Variants in RANBP2 observed in about 807,000 individuals in gnomAD.
RANBP2 encodes RAN binding protein 2.
RANBP2 carries 57 observed loss-of-function variants against 303.6 expected under a neutral mutation model. That is an observed-to-expected ratio of 0.19 (90% confidence interval 0.15 to 0.23). The LOEUF is 0.23. RANBP2 is among the 10% of genes least tolerant of loss of function. The pLI, the probability that RANBP2 is intolerant of heterozygous loss-of-function variation, is 1.00. For synonymous variants in RANBP2, 1,167 were observed against 1,301.5 expected, an observed-to-expected ratio of 0.90 and a Z score of 2.23; for missense variants, 3,138 against 3,780.8, an observed-to-expected ratio of 0.83 and a Z score of 4.46.
At chr2:109,235,849 GATA>G in the RANBP2 span, among the ~76,000 whole-genome samples, 1 of 152,218 alleles carries the variant, frequency 6.6e-6, no homozygotes, top group Non-Finnish European at 1.5e-5. Context: ...ATGCTTGACT[GATA>G]AAACCTCTTA....
At chr2:109,346,049 C>T in the RANBP2 span, among the ~76,000 whole-genome samples, 1 of 152,240 alleles carries the variant, frequency 6.6e-6, no homozygotes, top group African/African-American at 2.4e-5. Context: ...ACTGCCCCTT[C>T]CCATTTTTTC....
chr2:109,459,146 A>G, the RANBP2 span, among the ~76,000 whole-genome samples: 1 of 152,116 alleles, frequency 6.6e-6, no homozygotes, highest in Non-Finnish European at 1.5e-5. Context: ...AAATACTATC[A>G]TATAATAATC....
the RANBP2 span, among the ~76,000 whole-genome samples, chr2:109,409,526 G>A: frequency 6.6e-6 from 1 of 152,286 alleles, no homozygotes; most frequent in East Asian, 1.9e-4. Context: ...TCCTACGGGG[G>A]CAGGTGGCTT....
the RANBP2 span, chr2:108,812,904 G>A: frequency 6.2e-7 from 1 of 1,613,256 alleles, no homozygotes; most frequent in Non-Finnish European, 8.5e-7. Flanking sequence ...ACAAGAAAAA[G>A]CACCAGTTTC....
At chr2:109,495,648 T>C in the RANBP2 span, among the ~76,000 whole-genome samples, 1 of 152,012 alleles carries the variant, frequency 6.6e-6, no homozygotes, top group Non-Finnish European at 1.5e-5. Flanking sequence ...TCCACTGACA[T>C]GCCTGGCTGA....
the RANBP2 span, among the ~76,000 whole-genome samples, chr2:109,091,104 G>A: frequency 1.1e-3 from 167 of 152,214 alleles, no homozygotes; most frequent in African/African-American, 3.7e-3. Context: ...GGTGGTACAC[G>A]CCTGTAGTCC....
At chr2:109,593,534 T>C in the RANBP2 span, among the ~76,000 whole-genome samples, 1 of 151,478 alleles carries the variant, frequency 6.6e-6, no homozygotes, top group Non-Finnish European at 1.5e-5. Flanking sequence ...GCCTCCTGAG[T>C]AGCTGGGATT....
chr2:109,205,675 C>T, the RANBP2 span, among the ~76,000 whole-genome samples: 2 of 152,280 alleles, frequency 1.3e-5, no homozygotes, highest in South Asian at 2.1e-4. Flanking sequence ...GGGTCTGCAC[C>T]GTATCTGCCC....
intron 2 of RANBP2, among the ~76,000 whole-genome samples, chr2:108,729,576 G>A (rs547435990): frequency 6.6e-6 from 1 of 152,284 alleles, no homozygotes; most frequent in East Asian, 1.9e-4. Flanking sequence ...TAATTGTAAG[G>A]CAGGAGAATA....
At chr2:109,371,537 T>G in the RANBP2 span, 3 of 1,517,988 alleles carry the variant, frequency 2.0e-6, no homozygotes, top group Non-Finnish European at 2.7e-6. Context: ...TCCTTTTTCA[T>G]TGTGTGTGTG....
At chr2:109,102,559 C>T in the RANBP2 span, among the ~76,000 whole-genome samples, 1 of 152,086 alleles carries the variant, frequency 6.6e-6, no homozygotes, top group Non-Finnish European at 1.5e-5. Context: ...TTTAATGAGG[C>T]GAGAATAGCA....
chr2:109,504,427 T>C, the RANBP2 span: 1 of 152,164 alleles, frequency 6.6e-6, no homozygotes, highest in Non-Finnish European at 1.5e-5. Context: ...CCTCATGGGG[T>C]GATGCCAGGC....
chr2:109,096,957 T>G, the RANBP2 span, among the ~76,000 whole-genome samples: 1 of 152,116 alleles, frequency 6.6e-6, no homozygotes, highest in Non-Finnish European at 1.5e-5. Context: ...TGATTCCGTC[T>G]CTAACCAATC....
Position 108,730,858 on chromosome 2 carries a change from C to G in RANBP2, c.225C>G (p.Asn75Lys), listed in dbSNP as rs144278795. 718 of 1,611,624 alleles carry G rather than the reference C, an allele frequency of 4.5e-4. 3 individuals are homozygous for G. The African/African-American group carries it at 7.5e-3, about 17-fold the overall frequency. Residue 75 changes from asparagine (N) to lysine (K), a missense_variant, in exon 3 of 29, where the codon AAC (asparagine) becomes AAG (lysine). Asn to Lys is a moderately conservative substitution (Grantham distance 94). This residue lies in a region of RANBP2 where 306 missense variants were observed against 381.9 expected (regional missense o/e 0.80). Coordinates refer to ENST00000283195, the MANE Select transcript of RANBP2 (RefSeq NM_006267.5). ...GTCTTCTTTATGAATTGGAAGAAAA[C>G]ACAGACAAAGCCGTTGAATGTTACA... ...FLGLLYELEE[N>K]TDKAVECYRR...
chr2:109,618,650 A>G, the RANBP2 span: 1 of 166,948 alleles, frequency 6.0e-6, no homozygotes, highest in African/African-American at 2.4e-5. Context: ...AATGATTGAT[A>G]TAATTTGATA....
chr2:109,142,541 A>G, the RANBP2 span, among the ~76,000 whole-genome samples: 1 of 152,112 alleles, frequency 6.6e-6, no homozygotes, highest in Non-Finnish European at 1.5e-5. Context: ...CCCCAGGGAC[A>G]ACGGGGCACT....
At chr2:109,192,601 T>C in the RANBP2 span, among the ~76,000 whole-genome samples, 4 of 152,170 alleles carry the variant, frequency 2.6e-5, no homozygotes, top group African/African-American at 7.2e-5. Context: ...GAATAGTCTA[T>C]GAGATAAAGA....
the RANBP2 span, among the ~76,000 whole-genome samples, chr2:109,236,162 T>G: frequency 6.6e-6 from 1 of 152,214 alleles, no homozygotes; most frequent in African/African-American, 2.4e-5. Context: ...TTAGAACTCT[T>G]AATCACTGCC....
the RANBP2 span, chr2:109,371,790 C>G: frequency 1.1e-6 from 1 of 896,848 alleles, no homozygotes; most frequent in Non-Finnish European, 1.8e-6. Flanking sequence ...AAAGAGGATC[C>G]TCCACAATAG....
Sources: gnomAD v4.1 joint callset for allele counts (sites outside exome capture counted in the v4.1 genomes callset) on GRCh38, gnomAD v4.1.1 for gene constraint, gnomAD v4.1.1 regional missense constraint, MANE v1.5 for transcripts, NCBI Gene and HGNC (gene_info 2026-07-23, HGNC 2026-07-21) for gene names.